PKHD1: variants seen among roughly 807,000 people sequenced by gnomAD.
PKHD1 encodes the protein PKHD1 ciliary IPT domain containing fibrocystin/polyductin.
PKHD1 carries 291 observed loss-of-function variants against 412.0 expected under a neutral mutation model. The observed-to-expected ratio is 0.71, with a 90% CI of 0.64 to 0.78. The LOEUF is 0.78. PKHD1 is among the 30% of genes least tolerant of loss of function. PKHD1 has a pLI of 0.00. For synonymous variants in PKHD1, 1,777 were observed against 1,821.5 expected (o/e 0.98, Z 0.62); for missense variants, 4,825 against 4,950.7 (o/e 0.97, Z 0.76).
At chr6:51,644,247 C>A (rs1369019385) in intron 63 of PKHD1, among the ~76,000 whole-genome samples, 1 of 151,732 alleles carries the variant, frequency 6.6e-6, no homozygotes, top group African/African-American at 2.4e-5. Context: ...AAAACAACAT[C>A]AAATGATTAT....
At chr6:51,743,162 G>A (rs1245451370) in intron 60 of PKHD1, among the ~76,000 whole-genome samples, 1 of 152,044 alleles carries the variant, frequency 6.6e-6, no homozygotes, top group Non-Finnish European at 1.5e-5. Flanking sequence ...CTGGCCATGT[G>A]TGAAGAATAG....
intron 5 of PKHD1, among the ~76,000 whole-genome samples, chr6:52,078,189 G>A (rs1049139567): frequency 6.6e-6 from 1 of 152,072 alleles, no homozygotes; most frequent in African/African-American, 2.4e-5. Context: ...ACCTCAAAAA[G>A]GGCTTCACTT....
chr6:51,649,974 A>G (rs1770675881), intron 61 of PKHD1, among the ~76,000 whole-genome samples: 1 of 152,206 alleles, frequency 6.6e-6, no homozygotes, highest in Non-Finnish European at 1.5e-5. Context: ...AATTCATTGC[A>G]TCTTTAAAAT....
intron 43 of PKHD1, among the ~76,000 whole-genome samples, chr6:51,889,106 T>C (rs1583212192): frequency 6.6e-6 from 1 of 152,042 alleles, no homozygotes; most frequent in Admixed American, 6.6e-5. Flanking sequence ...GGCTCCCACA[T>C]GATTCAATCC....
chr6:52,033,092 G>A lies in PKHD1; in HGVS notation c.3302C>T (p.Thr1101Ile), dbSNP rs766090868. ...AACTGGATTTAAGGAAGAGACATAT[G>A]TAAATGCTCTGGGAAGAACTGCAGA... ...DYSAVLPRAF[T>I]YVSSLNPVIV... Residue 1101 changes from threonine to isoleucine, a missense_variant, in exon 29 of 67, where the codon ACA becomes ATA. Physicochemically the swap from Thr to Ile is moderately conservative, Grantham distance 89 (BLOSUM62 -1). Coordinates refer to ENST00000371117, the MANE Select transcript of PKHD1 (RefSeq NM_138694.4). 46 of 1,610,474 alleles carry A rather than the reference G, an allele frequency of 2.9e-5. No individual in the cohort carries two copies. Among genetic ancestry groups the A allele is most frequent in the Non-Finnish European group, 3.7e-5 (44 of 1,176,870 alleles).
intron 61 of PKHD1, among the ~76,000 whole-genome samples, chr6:51,653,441 A>G (rs1221882055): frequency 1.3e-5 from 2 of 152,078 alleles, no homozygotes; most frequent in African/African-American, 4.8e-5. Flanking sequence ...AACACTTGCC[A>G]AATCAGTACC....
intron 22 of PKHD1, 114 bp from the exon 23 acceptor site, chr6:52,048,733 A>G: frequency 8.1e-7 from 1 of 1,231,184 alleles, no homozygotes. Context: ...GAAAGAGCTA[A>G]GGGACCTGAG....
intron 52 of PKHD1, among the ~76,000 whole-genome samples, chr6:51,829,576 A>G (rs1378867821): frequency 6.6e-6 from 1 of 152,066 alleles, no homozygotes; most frequent in African/African-American, 2.4e-5. Context: ...AAAAAGTTAC[A>G]TCCTCCATCA....
intron 14 of PKHD1, among the ~76,000 whole-genome samples, chr6:52,060,804 C>T (rs892098464): frequency 2.0e-5 from 3 of 151,852 alleles, no homozygotes; most frequent in African/African-American, 7.3e-5. Context: ...TAATTTCATA[C>T]CTAAAAATAG....
intron 25 of PKHD1, among the ~76,000 whole-genome samples, chr6:52,043,957 T>C (rs984011600): frequency 2.6e-5 from 4 of 152,188 alleles, no homozygotes; most frequent in African/African-American, 9.6e-5. Flanking sequence ...TTTCTGTAAT[T>C]AAATGTGATA....
chr6:51,870,297 C>T (rs1291842248), intron 47 of PKHD1, among the ~76,000 whole-genome samples: 1 of 152,154 alleles, frequency 6.6e-6, no homozygotes. Context: ...ATGTGATAGG[C>T]ACCATAATAG....
intron 53 of PKHD1, among the ~76,000 whole-genome samples, chr6:51,784,073 G>T (rs1792474430): frequency 6.6e-6 from 1 of 152,118 alleles, no homozygotes; most frequent in Non-Finnish European, 1.5e-5. Context: ...AGGTACTAGG[G>T]TTATAAAATG....
At chr6:52,065,146 T>TAC (rs1809381927) in intron 12 of PKHD1, 96 bp from the exon 13 acceptor site, 2 of 59,700 alleles carry the variant, frequency 3.4e-5, no homozygotes, top group Admixed American at 2.3e-4. Flanking sequence ...TATATATATA[T>TAC]ATATATATAT....
At chr6:51,802,097 T>C (rs1044118684) in intron 52 of PKHD1, among the ~76,000 whole-genome samples, 3 of 152,154 alleles carry the variant, frequency 2.0e-5, no homozygotes, top group African/African-American at 7.2e-5. Context: ...CAGGCTTTAT[T>C]ATTATTGTTT....
At chr6:51,825,719 T>C (rs1185761619) in intron 52 of PKHD1, among the ~76,000 whole-genome samples, 1 of 152,144 alleles carries the variant, frequency 6.6e-6, no homozygotes, top group East Asian at 1.9e-4. Context: ...TTTATGCTGT[T>C]AGGTTTCTGG....
rs149037878 is a variant in PKHD1 at position 51,836,139 on chromosome 6, T to C, written c.8173+265A>G. ...AGATCTGGAGTCCTATGTGCACATA[T>C]GGTCCATAATTTATGAAATGTGCTT... On this transcript the variant is annotated intron_variant, in intron 51 of 66. Coordinates refer to ENST00000371117, the MANE Select transcript of PKHD1 (RefSeq NM_138694.4). Among the ~76,000 whole-genome samples the C allele has an allele frequency of 2.8e-3, 420 of 152,344 alleles. 1 individual carries two copies. Among genetic ancestry groups the C allele is most frequent in the African/African-American group, 7.0e-3 (290 of 41,588 alleles).
Position 51,990,769 on chromosome 6 carries a change from C to CT in PKHD1, c.5751+19539dup, listed in dbSNP as rs551097824. On this transcript the variant is annotated intron_variant, in intron 35 of 66. Transcript: ENST00000371117. ...CTACCCCCAAAATACCATTCACTAGCTTTTTTTTTTGTAACTTATTCAGCA... is the reference window on the plus strand; with the variant it reads ...CTACCCCCAAAATACCATTCACTAGCTTTTTTTTTTTGTAACTTATTCAGCA... 7.8e-4 allele frequency among the ~76,000 whole-genome samples: 116 copies of CT among 148,446 alleles called. 1 individual carries two copies. The highest frequency in any genetic ancestry group is 1.8e-3 in the Admixed American group (26 of 14,852).
chr6:51,700,558 C>G (rs1022350714), intron 60 of PKHD1, among the ~76,000 whole-genome samples: 1 of 152,174 alleles, frequency 6.6e-6, no homozygotes, highest in East Asian at 1.9e-4. Context: ...ATAGCACCCC[C>G]CAAGGATTGA....
At chr6:51,954,523 C>A in intron 36 of PKHD1, among the ~76,000 whole-genome samples, 1 of 152,148 alleles carries the variant, frequency 6.6e-6, no homozygotes, top group Non-Finnish European at 1.5e-5. Flanking sequence ...TAAGCAGCAA[C>A]AGAGACTGGA....
Sources: gnomAD v4.1 joint callset for allele counts (sites outside exome capture counted in the v4.1 genomes callset) on GRCh38, gnomAD v4.1.1 for gene constraint, MANE v1.5 for transcripts, NCBI Gene and HGNC (gene_info 2026-07-23, HGNC 2026-07-21) for gene names.